Variants in ZNF521 observed in about 807,000 individuals in gnomAD.
The protein encoded by ZNF521 is LYST-interacting protein 3.
A neutral mutation model predicts 105.5 loss-of-function variants in ZNF521; 14 were observed. The observed-to-expected ratio is 0.13, with a 90% CI of 0.09 to 0.21. The LOEUF is 0.21. Ranked by LOEUF, ZNF521 falls within the 10% of genes least tolerant of loss-of-function variation. ZNF521 has a pLI of 1.00. For synonymous variants in ZNF521, 635 were observed against 606.0 expected, an observed-to-expected ratio of 1.05 and a Z score of -0.70; for missense variants, 1,233 against 1,629.7, an observed-to-expected ratio of 0.76 and a Z score of 4.19.
intron 5 of ZNF521, among the ~76,000 whole-genome samples, chr18:25,148,570 T>C (rs2034989058): frequency 1.3e-5 from 2 of 152,168 alleles, no homozygotes; most frequent in Non-Finnish European, 1.5e-5. Context: ...TAAATCCTTA[T>C]GAGAAATTAA....
intron 5 of ZNF521, among the ~76,000 whole-genome samples, chr18:25,105,231 G>A (rs2034048296): frequency 6.6e-6 from 1 of 152,072 alleles, no homozygotes. Flanking sequence ...CTAGAATCTA[G>A]GCATCTCTCT....
chr18:25,174,277 A>G (rs1452313990), intron 5 of ZNF521, among the ~76,000 whole-genome samples: 1 of 152,184 alleles, frequency 6.6e-6, no homozygotes, highest in East Asian at 1.9e-4. Context: ...TAACTCTGAA[A>G]CCACCACAGA....
chr18:25,256,367 A>C (rs2144872568), intron 3 of ZNF521, among the ~76,000 whole-genome samples: 1 of 152,294 alleles, frequency 6.6e-6, no homozygotes, highest in East Asian at 1.9e-4. Flanking sequence ...AACACTTAAA[A>C]ATGATTTGGA....
rs1167182591 is a variant in ZNF521, at chr18:25,224,843, G to A, written c.3075C>T (p.Cys1025=). 1.9e-6 allele frequency: 3 copies of A among 1,613,936 alleles called. No individual in the cohort carries two copies. The highest frequency in any genetic ancestry group is 2.5e-6 in the Non-Finnish European group (3 of 1,180,028). The part of the protein sequence containing the change: ...NSLTGFRCVV[C]MQTVTSTLEL... Reference sequence around the variant, plus strand: ...CCAAGGTGGAGGTCACTGTCTGCATGCACACCACGCAGCGAAAGCCTGTCA... The same window carrying A: ...CCAAGGTGGAGGTCACTGTCTGCATACACACCACGCAGCGAAAGCCTGTCA... The change falls in exon 4 of 8, where the codon TGC becomes TGT. Residue 1025 remains cysteine (C), a synonymous_variant. Coordinates refer to ENST00000361524, the MANE Select transcript of ZNF521 (RefSeq NM_015461.3).
At chr18:25,191,227 A>T (rs918868583) in intron 5 of ZNF521, among the ~76,000 whole-genome samples, 4 of 152,184 alleles carry the variant, frequency 2.6e-5, no homozygotes, top group Non-Finnish European at 5.9e-5. Flanking sequence ...AGTATATTTT[A>T]AAAAATAATC....
intron 5 of ZNF521, among the ~76,000 whole-genome samples, chr18:25,182,678 G>C (rs552842578): frequency 5.9e-5 from 9 of 152,188 alleles, no homozygotes; most frequent in African/African-American, 1.9e-4. Context: ...AATACAAATA[G>C]CAAATAAGAT....
intron 5 of ZNF521, among the ~76,000 whole-genome samples, chr18:25,117,082 C>CACACACACACACACACAT (rs1449131209): frequency 3.7e-5 from 3 of 81,272 alleles, no homozygotes; most frequent in African/African-American, 1.8e-4. Flanking sequence ...CACACACACA[C>CACACACACACACACACAT]ATACACACAT....
chr18:25,316,479 T>C (rs1329055728), intron 3 of ZNF521, among the ~76,000 whole-genome samples: 2 of 151,430 alleles, frequency 1.3e-5, no homozygotes, highest in African/African-American at 4.9e-5. Flanking sequence ...ATTCAAGCAG[T>C]GGGAAGCCAA....
intron 5 of ZNF521, among the ~76,000 whole-genome samples, chr18:25,141,102 T>C (rs1462588831): frequency 1.3e-5 from 2 of 152,252 alleles, no homozygotes; most frequent in Middle Eastern, 3.4e-3. Flanking sequence ...ACTGAAAGCT[T>C]AACAATGACA....
At position 25,081,077 on chromosome 18, in the gene ZNF521, G is replaced by A. The variant is rs546305961; in HGVS notation, c.3906+8388C>T. On this transcript the variant is annotated intron_variant, in intron 7 of 7. Transcript: ENST00000361524. ...TCTTGGCGACATGGAAGATGGCAGG[G>A]CCAGCAGAGCCCAGCCAAAGCAGAA... Among the ~76,000 whole-genome samples, 745 of 137,974 alleles carry A rather than the reference G, an allele frequency of 5.4e-3. 1 individual carries two copies. Among genetic ancestry groups the A allele is most frequent in the Admixed American group, 0.013 (181 of 13,562 alleles). The allele number at this position is 137,974 out of a possible 152,430, so 90.5% of individuals were successfully genotyped here. A position where few individuals can be genotyped will look rare whatever the true frequency, so the allele number is the denominator to read the frequency against.
chr18:25,079,671 G>C (rs1019411536), intron 7 of ZNF521, among the ~76,000 whole-genome samples: 3 of 89,312 alleles, frequency 3.4e-5, no homozygotes, highest in Non-Finnish European at 7.3e-5. Flanking sequence ...CACAGATGGT[G>C]GGGGGGACGC....
intron 4 of ZNF521, among the ~76,000 whole-genome samples, chr18:25,219,644 C>T (rs1044748750): frequency 2.0e-5 from 3 of 152,040 alleles, no homozygotes; most frequent in East Asian, 3.9e-4. Context: ...ACGGCAAGCT[C>T]GTCTCTACCA....
At chr18:25,264,950 A>C (rs1480226135) in intron 3 of ZNF521, among the ~76,000 whole-genome samples, 2 of 152,222 alleles carry the variant, frequency 1.3e-5, no homozygotes, top group African/African-American at 2.4e-5. Flanking sequence ...AAAAGTCTGC[A>C]GGAAAATAAC....
intron 3 of ZNF521, among the ~76,000 whole-genome samples, chr18:25,261,100 G>T (rs1255482459): frequency 6.6e-6 from 1 of 152,122 alleles, no homozygotes. Flanking sequence ...CGGAGGGTCT[G>T]AGAGGCAATT....
chr18:25,250,441 G>A (rs1908037046), intron 3 of ZNF521, among the ~76,000 whole-genome samples: 1 of 152,032 alleles, frequency 6.6e-6, no homozygotes, highest in African/African-American at 2.4e-5. Flanking sequence ...CTTAGTTTTG[G>A]TCCTTCTTTA....
intron 5 of ZNF521, among the ~76,000 whole-genome samples, chr18:25,140,282 A>G (rs1424501395): frequency 1.3e-5 from 2 of 152,160 alleles, no homozygotes; most frequent in African/African-American, 4.8e-5. Context: ...AGCAGCCAAC[A>G]TGAAGAAAAG....
At chr18:25,258,094 ATAC>A (rs1342755928) in intron 3 of ZNF521, among the ~76,000 whole-genome samples, 2 of 152,206 alleles carry the variant, frequency 1.3e-5, no homozygotes, top group African/African-American at 4.8e-5. Flanking sequence ...AGACAATTCT[ATAC>A]TACATTATTG....
intron 3 of ZNF521, among the ~76,000 whole-genome samples, chr18:25,267,986 A>G (rs1023689868): frequency 7.2e-5 from 11 of 152,208 alleles, no homozygotes; most frequent in African/African-American, 2.7e-4. Flanking sequence ...AACTCCTCTG[A>G]GCTAAAGGAG....
chr18:25,294,021 G>C (rs764364334), intron 3 of ZNF521, among the ~76,000 whole-genome samples: 1 of 152,028 alleles, frequency 6.6e-6, no homozygotes, highest in Non-Finnish European at 1.5e-5. Context: ...AATCTTAAAA[G>C]GTTCATTTTT....
Sources: gnomAD v4.1 joint callset for allele counts (sites outside exome capture counted in the v4.1 genomes callset) on GRCh38, gnomAD v4.1.1 for gene constraint, MANE v1.5 for transcripts, NCBI Gene and HGNC (gene_info 2026-07-23, HGNC 2026-07-21) for gene names.